Variants in ROR2 observed in about 807,000 individuals in gnomAD.
The protein encoded by ROR2 is ROR family WNT receptor 2.
In ROR2, 33 loss-of-function variants were observed where a neutral mutation model predicts 74.9. The observed-to-expected ratio is 0.44, with a 90% CI of 0.33 to 0.59. The LOEUF is 0.59. Ranked by LOEUF, ROR2 falls within the 20% of genes least tolerant of loss-of-function variation. ROR2 has a pLI of 0.02. For synonymous variants in ROR2, 586 were observed against 558.7 expected, an observed-to-expected ratio of 1.05 and a Z score of -0.69; for missense variants, 1,216 against 1,313.8, an observed-to-expected ratio of 0.93 and a Z score of 1.15.
intron 4 of ROR2, among the ~76,000 whole-genome samples, chr9:91,751,686 T>C (rs994744598): frequency 6.6e-6 from 1 of 152,148 alleles, no homozygotes; most frequent in Non-Finnish European, 1.5e-5. Context: ...TATATAGATA[T>C]TTTTAATAAC....
At chr9:91,927,562 CTTTTTTTTTTTT>C (rs775823582) in intron 1 of ROR2, among the ~76,000 whole-genome samples, 3 of 94,946 alleles carry the variant, frequency 3.2e-5, no homozygotes, top group East Asian at 6.0e-4. Context: ...TTTCTAGATT[CTTTTTTTTTTTT>C]TTTTTTTTTG....
intron 1 of ROR2, among the ~76,000 whole-genome samples, chr9:91,932,365 A>G (rs1831568094): frequency 6.6e-6 from 1 of 152,210 alleles, no homozygotes; most frequent in African/African-American, 2.4e-5. Flanking sequence ...AACAAATATC[A>G]TAAAAAAAAT....
rs1836841765 is a variant in ROR2, at chr9:91,722,662, G to T, written c.*1000C>A. Reference sequence around the variant, plus strand: ...GATTTACAAATAGGACCAACAATGTGTGCGGGGCACAGACGGCTGCCTGTG... The same window carrying T: ...GATTTACAAATAGGACCAACAATGTTTGCGGGGCACAGACGGCTGCCTGTG... On this transcript the variant is annotated 3_prime_UTR_variant, in exon 9 of 9. Transcript: ENST00000375708. The T allele has an allele frequency of 2.6e-6, 2 of 778,630 alleles. No individual in the cohort carries two copies. The highest frequency in any genetic ancestry group is 3.4e-5 in the African/African-American group (2 of 59,274). The allele number at this position is 778,630 out of a possible 1,614,324, so 48.2% of individuals were successfully genotyped here. A position where few individuals can be genotyped will look rare whatever the true frequency, so the allele number is the denominator to read the frequency against.
intron 1 of ROR2, among the ~76,000 whole-genome samples, chr9:91,797,271 C>G (rs1339946534): frequency 1.2e-4 from 1 of 8,090 alleles, no homozygotes; most frequent in Non-Finnish European, 2.0e-4. Context: ...TGACACCCTG[C>G]ATTCTGTGGG....
At chr9:91,780,642 T>C (rs181693936) in intron 1 of ROR2, among the ~76,000 whole-genome samples, 2 of 151,848 alleles carry the variant, frequency 1.3e-5, no homozygotes, top group East Asian at 3.9e-4. Flanking sequence ...AATACAAAAA[T>C]TAGCCAGGCG....
At chr9:91,935,722 G>T (rs1388414000) in intron 1 of ROR2, among the ~76,000 whole-genome samples, 3 of 152,152 alleles carry the variant, frequency 2.0e-5, no homozygotes, top group Non-Finnish European at 4.4e-5. Flanking sequence ...TGCCTCATCT[G>T]CTCTGACATC....
intron 1 of ROR2, among the ~76,000 whole-genome samples, chr9:91,781,001 T>C (rs1826601514): frequency 6.6e-6 from 1 of 152,242 alleles, no homozygotes; most frequent in African/African-American, 2.4e-5. Flanking sequence ...GCTTTGTTAT[T>C]CAGACTGTTC....
chr9:91,774,336 A>AG (rs1057361028), intron 2 of ROR2, among the ~76,000 whole-genome samples: 12 of 152,342 alleles, frequency 7.9e-5, no homozygotes, highest in African/African-American at 2.9e-4. Context: ...GAAGCTGTGC[A>AG]GAGCCACTCT....
At chr9:91,877,331 A>G (rs752509815) in intron 1 of ROR2, among the ~76,000 whole-genome samples, 1 of 152,204 alleles carries the variant, frequency 6.6e-6, no homozygotes. Flanking sequence ...GAAGGTGATC[A>G]AGAAGTTCCA....
chr9:91,769,494 T>TG (rs1420203760), intron 2 of ROR2, among the ~76,000 whole-genome samples: 1 of 152,150 alleles, frequency 6.6e-6, no homozygotes, highest in Non-Finnish European at 1.5e-5. Context: ...CCCCCACTCC[T>TG]GCCCTTGGCT....
chr9:91,811,286 A>G (rs1423806791), intron 1 of ROR2, among the ~76,000 whole-genome samples: 1 of 152,220 alleles, frequency 6.6e-6, no homozygotes, highest in African/African-American at 2.4e-5. Flanking sequence ...ACTGCACGGG[A>G]ACCACGGGGG....
At chr9:91,872,537 G>A (rs1829827208) in intron 1 of ROR2, among the ~76,000 whole-genome samples, 1 of 152,200 alleles carries the variant, frequency 6.6e-6, no homozygotes, top group Non-Finnish European at 1.5e-5. Context: ...CTACTAGTAA[G>A]TTACCTCTTC....
chr9:91,934,052 G>A (rs1316630250), intron 1 of ROR2, among the ~76,000 whole-genome samples: 1 of 152,210 alleles, frequency 6.6e-6, no homozygotes, highest in Non-Finnish European at 1.5e-5. Flanking sequence ...ACAAGCACAT[G>A]TGCGCAGAAA....
chr9:91,865,300 C>G (rs1218797687), intron 1 of ROR2, among the ~76,000 whole-genome samples: 1 of 152,194 alleles, frequency 6.6e-6, no homozygotes, highest in African/African-American at 2.4e-5. Context: ...CTCTCCTACT[C>G]TGGGACTCTG....
At chr9:91,734,067 T>C (rs565935724) in intron 5 of ROR2, among the ~76,000 whole-genome samples, 2 of 152,190 alleles carry the variant, frequency 1.3e-5, no homozygotes, top group South Asian at 4.1e-4. Flanking sequence ...GAGCCCCCTT[T>C]GGTAGGGCGG....
At chr9:91,748,409 G>A (rs889673420) in intron 4 of ROR2, among the ~76,000 whole-genome samples, 5 of 152,044 alleles carry the variant, frequency 3.3e-5, no homozygotes, top group African/African-American at 9.7e-5. Flanking sequence ...TCAAAACATC[G>A]TGTTGTACAC....
chr9:91,870,433 T>C (rs893685207), intron 1 of ROR2, among the ~76,000 whole-genome samples: 15 of 152,156 alleles, frequency 9.9e-5, no homozygotes, highest in African/African-American at 3.6e-4. Context: ...TGATGGCAAC[T>C]TCCCCTGCAA....
At chr9:91,897,047 G>A (rs1206135199) in intron 1 of ROR2, among the ~76,000 whole-genome samples, 1 of 152,234 alleles carries the variant, frequency 6.6e-6, no homozygotes, top group Admixed American at 6.5e-5. Flanking sequence ...CCTCTTCCGT[G>A]TTCGGTGCAA....
chr9:91,878,844 G>A (rs898366086), intron 1 of ROR2, among the ~76,000 whole-genome samples: 3 of 152,162 alleles, frequency 2.0e-5, no homozygotes, highest in Admixed American at 6.5e-5. Context: ...TTGGGAGGCC[G>A]AGACGGGCAG....
Sources: allele counts gnomAD v4.1 joint callset (sites outside exome capture counted in the v4.1 genomes callset), GRCh38; gene constraint gnomAD v4.1.1; transcripts MANE v1.5; gene names NCBI Gene and HGNC (gene_info 2026-07-23, HGNC 2026-07-21).